Variants in REPS2 observed in about 807,000 individuals in gnomAD.
The protein encoded by REPS2 is ralBP1-associated Eps domain-containing protein 2.
In REPS2, 23 loss-of-function variants were observed where a neutral mutation model predicts 53.6. The ratio of observed to expected loss-of-function variants is 0.43; its 90% CI spans 0.31 to 0.61. REPS2 has a LOEUF of 0.61. Ranked by LOEUF, REPS2 falls within the 20% of genes least tolerant of loss-of-function variation. The pLI is 0.11. For synonymous variants in REPS2, 238 were observed against 218.6 expected, an observed-to-expected ratio of 1.09 and a Z score of -0.78; for missense variants, 446 against 534.9, an observed-to-expected ratio of 0.83 and a Z score of 1.64.
intron 1 of REPS2, among the ~76,000 whole-genome samples, chrX:16,959,143 G>A (rs1028685052): frequency 2.5e-4 from 28 of 112,496 alleles, no homozygotes; most frequent in African/African-American, 8.7e-4. Flanking sequence ...CTGTCACCCA[G>A]GCTGGAGCAC....
At chrX:17,064,599 A>G (rs2062202340) in intron 9 of REPS2, among the ~76,000 whole-genome samples, 1 of 112,649 alleles carries the variant, frequency 8.9e-6, no homozygotes, top group Admixed American at 9.4e-5. Context: ...CTCTTACATT[A>G]CTGGATTTCT....
intron 9 of REPS2, among the ~76,000 whole-genome samples, chrX:17,066,428 A>G (rs932288813): frequency 6.3e-5 from 7 of 111,822 alleles, no homozygotes; most frequent in Non-Finnish European, 1.1e-4. Flanking sequence ...TCTTTCAACA[A>G]TTTTTTGAGA....
At chrX:16,992,102 C>G (rs921811622) in intron 1 of REPS2, among the ~76,000 whole-genome samples, 1 of 111,396 alleles carries the variant, frequency 9.0e-6, no homozygotes, top group Non-Finnish European at 1.9e-5. Flanking sequence ...CCCCCAAATT[C>G]CTATGTTGAA....
intron 17 of REPS2, 119 bp from the exon 18 acceptor site, chrX:17,147,294 T>C (rs1432397175): frequency 1.9e-6 from 1 of 531,226 alleles, no homozygotes; most frequent in Non-Finnish European, 3.2e-6. Flanking sequence ...TCTTGAGTTA[T>C]ACAGCACTTG....
At chrX:17,100,239 G>T (rs1409288941) in intron 13 of REPS2, 4 of 580,087 alleles carry the variant, frequency 6.9e-6, no homozygotes, top group Non-Finnish European at 1.2e-5. Flanking sequence ...CGACGGTAGA[G>T]AACTTTTTCC....
chrX:16,981,651 G>A (rs1432069421), intron 1 of REPS2, among the ~76,000 whole-genome samples: 1 of 112,135 alleles, frequency 8.9e-6, no homozygotes, highest in Non-Finnish European at 1.9e-5. Flanking sequence ...TCTTCCAAGT[G>A]TGATCAAGCA....
chrX:17,064,565 A>G (rs1470888686), intron 9 of REPS2, among the ~76,000 whole-genome samples: 1 of 112,547 alleles, frequency 8.9e-6, no homozygotes, highest in African/African-American at 3.2e-5. Context: ...TGATAATTTC[A>G]AGTATATTTC....
the REPS2 span, among the ~76,000 whole-genome samples, chrX:17,191,534 T>C: frequency 1.8e-5 from 2 of 112,491 alleles, no homozygotes; most frequent in Admixed American, 9.4e-5. Flanking sequence ...TAGTGTCTTA[T>C]AGAGTTAAAC....
chrX:17,041,370 A>G (rs1215056821), intron 5 of REPS2, among the ~76,000 whole-genome samples: 2 of 111,546 alleles, frequency 1.8e-5, no homozygotes, highest in Admixed American at 9.5e-5. Context: ...AATCCCACCT[A>G]TCAGCACTGC....
At chrX:17,078,486 A>G (rs1035108812) in intron 13 of REPS2, among the ~76,000 whole-genome samples, 1 of 112,111 alleles carries the variant, frequency 8.9e-6, no homozygotes, top group Admixed American at 9.5e-5. Flanking sequence ...AGTTCATCAG[A>G]CAAAAATTTG....
At chrX:16,962,276 TACACACACACACACACACACACACACAC>T (rs61520216) in intron 1 of REPS2, among the ~76,000 whole-genome samples, 3 of 81,859 alleles carry the variant, frequency 3.7e-5, no homozygotes, top group African/African-American at 1.3e-4. Flanking sequence ...TATCGTGGGA[TACACACACACACACACACACACACACAC>T]ACACACACAC....
Position 16,964,142 on chromosome X carries a change from A to T in REPS2, c.273+17008A>T, listed in dbSNP as rs2060701545. Among the ~76,000 whole-genome samples the T allele has an allele frequency of 2.8e-5, 3 of 106,793 alleles. No homozygotes were observed. In the Admixed American group the frequency reaches 3.0e-4, roughly 11 times the overall value. 92.7% of individuals were successfully genotyped at this position (106,793 alleles called of 115,157 possible). ...GGTCAGCAGATAAACAAGTGAACAA[A>T]GGTCTCTGGTTTTCCTAGGCAGAGG... On this transcript the variant is annotated intron_variant, in intron 1 of 17. Coordinates refer to ENST00000357277, the MANE Select transcript of REPS2 (RefSeq NM_004726.3).
chrX:17,084,128 A>G (rs1376095837), intron 13 of REPS2, among the ~76,000 whole-genome samples: 4 of 106,539 alleles, frequency 3.8e-5, no homozygotes, highest in African/African-American at 1.4e-4. Flanking sequence ...TTCTGTTTCT[A>G]TGGATTTGCC....
At chrX:16,979,199 A>G (rs1472838761) in intron 1 of REPS2, among the ~76,000 whole-genome samples, 1 of 111,680 alleles carries the variant, frequency 9.0e-6, no homozygotes, top group Non-Finnish European at 1.9e-5. Flanking sequence ...CATACCATAT[A>G]CTGTATTACC....
At chrX:17,136,108 C>T (rs1355115033) in intron 16 of REPS2, 1 of 112,143 alleles carries the variant, frequency 8.9e-6, no homozygotes, top group Non-Finnish European at 1.9e-5. Flanking sequence ...GAAACCTGCT[C>T]CTGTCACTTG....
At position 16,990,208 on chromosome X, in the gene REPS2, C is replaced by T. The variant is rs759889576; in HGVS notation, c.274-16013C>T. 2.7e-5 allele frequency among the ~76,000 whole-genome samples: 3 copies of T among 111,685 alleles called. No individual in the cohort carries two copies. In the South Asian group the frequency reaches 1.1e-3, roughly 42 times the overall value. On this transcript the variant is annotated intron_variant, in intron 1 of 17. Transcript: ENST00000357277. ...TGAGTGGTTTAAATACCATATGATT[C>T]CATTTATGTAACATTCTTGAAGTGA...
chrX:16,966,705 C>G (rs1431178147), intron 1 of REPS2, among the ~76,000 whole-genome samples: 1 of 111,982 alleles, frequency 8.9e-6, no homozygotes, highest in Non-Finnish European at 1.9e-5. Flanking sequence ...ATCTGCAGCT[C>G]TAATTCTGAT....
At chrX:17,083,927 T>C (rs991580195) in intron 13 of REPS2, among the ~76,000 whole-genome samples, 2 of 111,405 alleles carry the variant, frequency 1.8e-5, no homozygotes, top group African/African-American at 6.5e-5. Flanking sequence ...GTAACCCATA[T>C]ACTATAAAAT....
chrX:16,955,651 G>A (rs916378580), intron 1 of REPS2, among the ~76,000 whole-genome samples: 3 of 111,916 alleles, frequency 2.7e-5, no homozygotes, highest in African/African-American at 6.5e-5. Context: ...TTCACAACAT[G>A]GCTCTTGGCT....
Sources: allele counts gnomAD v4.1 joint callset (sites outside exome capture counted in the v4.1 genomes callset), GRCh38; gene constraint gnomAD v4.1.1; transcripts MANE v1.5; gene names NCBI Gene and HGNC (gene_info 2026-07-23, HGNC 2026-07-21).